The following OSGIN1 variants were observed in gnomAD, a reference collection of about 807,000 sequenced individuals.
The protein encoded by OSGIN1 is oxidative stress induced growth inhibitor 1.
Under a neutral mutation model 20.1 loss-of-function variants are expected in OSGIN1, and 19 were observed. That is an observed-to-expected ratio of 0.95 (90% CI 0.66 to 1.39). The LOEUF is 1.39. Among genes scored for constraint, OSGIN1 ranks in the 40% most tolerant of loss-of-function variants. The pLI is 0.00. For synonymous variants in OSGIN1, 368 were observed against 297.8 expected (o/e 1.24, Z -2.43); for missense variants, 820 against 653.0 (o/e 1.26, Z -2.79).
In OSGIN1 at chr16:83,961,185, C is replaced by T. The variant is rs113675819; in HGVS notation, c.488+113C>T. On this transcript the variant is annotated intron_variant, in intron 5 of 5. Transcript: ENST00000393306. ...AAGTTTATTTTTCCAAGGTTGAGGACGCGCCCGTGACAGCCTCAGGAAGTC... is the reference window on the plus strand; with the variant it reads ...AAGTTTATTTTTCCAAGGTTGAGGATGCGCCCGTGACAGCCTCAGGAAGTC... The T allele has an allele frequency of 8.1e-3, 6,575 of 814,720 alleles. 62 individuals carry two copies. The highest frequency in any genetic ancestry group is 0.031 in the South Asian group (2,056 of 65,590). 50.5% of individuals were successfully genotyped at this position (814,720 alleles called of 1,614,324 possible). A position where few individuals can be genotyped will look rare whatever the true frequency, so the allele number is the denominator to read the frequency against.
intron 1 of OSGIN1, among the ~76,000 whole-genome samples, chr16:83,955,130 T>C (rs935113742): frequency 8.6e-5 from 13 of 151,888 alleles, no homozygotes; most frequent in Non-Finnish European, 1.8e-4. Context: ...TACCAGGAGG[T>C]CCCATGCTCC....
intron 2 of OSGIN1, among the ~76,000 whole-genome samples, chr16:83,958,109 T>C (rs957188892): frequency 6.6e-6 from 1 of 152,178 alleles, no homozygotes; most frequent in African/African-American, 2.4e-5. Context: ...ACTCCTGACC[T>C]CAAGTGATCT....
At position 83,960,644 on chromosome 16, in the gene OSGIN1, C is replaced by A. The variant is rs62640906; in HGVS notation, c.280C>A (p.Arg94Ser). The change falls in exon 4 of 6, where the codon CGC becomes AGC. Residue 94 changes from arginine to serine, a missense_variant. Transcript: ENST00000393306. ...PVALLFDALL[R>S]PDTDFGGNMK... is the part of the protein sequence containing the mutation. The stretch of plus-strand genomic sequence containing the variant: ...GGCCCTGCTCTTTGATGCCCTTCTA[C>A]GCCCAGACACAGACTTTGGGGGAAA... The A allele has an allele frequency of 6.2e-7, 1 of 1,613,598 alleles. No homozygotes were observed. Among genetic ancestry groups the A allele is most frequent in the South Asian group, 1.1e-5 (1 of 91,088 alleles).
chr16:83,959,279 C>G lies in OSGIN1; in HGVS notation c.87C>G (p.Ile29Met). The change falls in exon 3 of 6, where the codon ATC (isoleucine) becomes ATG (methionine). Residue 29 changes from isoleucine (I) to methionine (M), a missense_variant. Coordinates refer to ENST00000393306, the MANE Select transcript of OSGIN1 (RefSeq NM_182981.3). Reference protein sequence around the residue: ...VIIVGNGPSGICLSYLLSGYT... With the variant: ...VIIVGNGPSGMCLSYLLSGYT... ...CCCCAGGTAACGGCCCCTCTGGTAT[C>G]TGCCTGTCCTACCTGCTCTCCGGCT... is the stretch of plus-strand genomic sequence containing the variant. 6.2e-7 allele frequency: 1 copy of G among 1,613,702 alleles called. No individual in the cohort carries two copies. Among genetic ancestry groups the G allele is most frequent in the Non-Finnish European group, 8.5e-7 (1 of 1,179,906 alleles).
chr16:83,954,962 G>C (rs186120313), intron 1 of OSGIN1, among the ~76,000 whole-genome samples: 220 of 152,340 alleles, frequency 1.4e-3, no homozygotes, highest in African/African-American at 5.1e-3. Context: ...AAGGGGCTGG[G>C]GTGCCTGGGG....
At chr16:83,958,456 G>A (rs1407596049) in intron 2 of OSGIN1, among the ~76,000 whole-genome samples, 1 of 152,202 alleles carries the variant, frequency 6.6e-6, no homozygotes, top group Non-Finnish European at 1.5e-5. Flanking sequence ...TCCTCTGTCT[G>A]CACAAATGGG....
At chr16:83,963,065 C>G (rs1381624700) in intron 5 of OSGIN1, among the ~76,000 whole-genome samples, 2 of 152,204 alleles carry the variant, frequency 1.3e-5, no homozygotes, top group Non-Finnish European at 2.9e-5. Context: ...TCGGGAAGCC[C>G]TGCTTCCTCC....
Position 83,965,314 on chromosome 16 carries a change from C to A in OSGIN1, c.741C>A (p.Gly247=), listed in dbSNP as rs1033490837. Residue 247 remains glycine (G), a synonymous_variant, in exon 6 of 6, where the codon GGC becomes GGA. Transcript: ENST00000393306. ...LWARNVVLAT[G]TFDSPARLGI... ...CCCGCAACGTGGTCCTCGCCACAGG[C>A]ACGTTCGACAGCCCGGCCCGGCTGG... 5 of 1,584,972 alleles carry A rather than the reference C, an allele frequency of 3.2e-6. No individual in the cohort carries two copies. The highest frequency in any genetic ancestry group is 1.7e-5 in the Admixed American group (1 of 58,396).
Position 83,965,920 on chromosome 16 carries a change from C to G in OSGIN1, c.1347C>G (p.Ala449=). Residue 449 remains alanine (A), a synonymous_variant, in exon 6 of 6, where the codon GCC becomes GCG. Transcript: ENST00000393306. Reference sequence around the variant, plus strand: ...GCCTGTACGCCATGGGGCCGCTGGCCGGGGACAACTTCGTGAGGTTTGTGC... The same window carrying G: ...GCCTGTACGCCATGGGGCCGCTGGCGGGGGACAACTTCGTGAGGTTTGTGC... ...QEGLYAMGPL[A]GDNFVRFVQG... is the part of the protein sequence containing the mutation. The G allele has an allele frequency of 1.9e-6, 3 of 1,612,704 alleles. No homozygotes were observed. Among genetic ancestry groups the G allele is most frequent in the Non-Finnish European group, 2.5e-6 (3 of 1,179,966 alleles).
At chr16:83,962,527 C>T (rs2084228429) in intron 5 of OSGIN1, among the ~76,000 whole-genome samples, 2 of 152,244 alleles carry the variant, frequency 1.3e-5, no homozygotes, top group African/African-American at 2.4e-5. Flanking sequence ...AGGCGTGAGC[C>T]ACCACGCCAG....
rs150725727 is a variant in OSGIN1 at position 83,961,211 on chromosome 16, C to G, written c.488+139C>G. ...GCGCCCGTGACAGCCTCAGGAAGTC[C>G]TAATGACATGTGCCCAAGGTGATCC... On this transcript the variant is annotated intron_variant, in intron 5 of 5. Coordinates refer to ENST00000393306, the MANE Select transcript of OSGIN1 (RefSeq NM_182981.3). The G allele has an allele frequency of 6.6e-4, 439 of 668,314 alleles. 3 individuals carry two copies. The African/African-American group carries it at 7.3e-3, about 11-fold the overall frequency. The allele number at this position is 668,314 out of a possible 1,614,324, so 41.4% of individuals were successfully genotyped here.
chr16:83,963,716 G>A (rs253139), intron 5 of OSGIN1, among the ~76,000 whole-genome samples: 35,686 of 152,066 alleles, frequency 0.23, 5,250 homozygotes, highest in African/African-American at 0.42. Context: ...ACATGTAGCC[G>A]GACGGCAGGT....
chr16:83,961,711 C>T (rs1198491299), intron 5 of OSGIN1, among the ~76,000 whole-genome samples: 1 of 152,128 alleles, frequency 6.6e-6, no homozygotes, highest in East Asian at 1.9e-4. Context: ...CAGAGCTGGG[C>T]TCACCCGAGG....
Position 83,961,041 on chromosome 16 carries a change from G to T in OSGIN1, c.457G>T (p.Glu153Ter). Residue 153 changes from glutamate to a stop codon, truncating the protein, a stop_gained, in exon 5 of 6, where the codon GAG becomes TAG. Coordinates refer to ENST00000393306, the MANE Select transcript of OSGIN1 (RefSeq NM_182981.3). LOFTEE classifies it low-confidence loss of function (END_TRUNC). Reference protein sequence around the residue: ...QGQWMGLPDLEVKDWMQKKRR... With the variant: ...QGQWMGLPDL ...CCAGTGGATGGGGCTCCCGGACCTGGAGGTCAAGGACTGGATGCAGAAGAA... is the reference window on the plus strand; with the variant it reads ...CCAGTGGATGGGGCTCCCGGACCTGTAGGTCAAGGACTGGATGCAGAAGAA... 1 of 1,613,558 alleles carries T rather than the reference G, an allele frequency of 6.2e-7. No individual in the cohort carries two copies. The highest frequency in any genetic ancestry group is 8.5e-7 in the Non-Finnish European group (1 of 1,180,002).
At chr16:83,957,396 G>A (rs1006358651) in intron 1 of OSGIN1, among the ~76,000 whole-genome samples, 7 of 152,162 alleles carry the variant, frequency 4.6e-5, no homozygotes, top group African/African-American at 9.7e-5. Flanking sequence ...TGGCTGCCTG[G>A]GGCAACCAGG....
intron 5 of OSGIN1, among the ~76,000 whole-genome samples, chr16:83,964,468 A>C (rs1488135868): frequency 6.6e-6 from 1 of 152,134 alleles, no homozygotes; most frequent in Non-Finnish European, 1.5e-5. Context: ...CTTTCTGATC[A>C]GGATCCCATT....
intron 1 of OSGIN1, chr16:83,954,749 C>G (rs1908845991): frequency 3.0e-6 from 3 of 984,836 alleles, no homozygotes; most frequent in Non-Finnish European, 2.4e-6. Context: ...AGCCCCAAAG[C>G]CCTGGTGGTA....
At chr16:83,960,499 C>T (rs1909150844) in intron 3 of OSGIN1, 70 bp from the exon 4 acceptor site, 2 of 1,314,042 alleles carry the variant, frequency 1.5e-6, no homozygotes, top group Non-Finnish European at 2.2e-6. Context: ...ACGTTCCTGC[C>T]CAGCCTCAGG....
At position 83,957,643 on chromosome 16, in the gene OSGIN1, C is replaced by T. The variant is rs748835213; in HGVS notation, c.-29C>T. ...CTTCCCCTCTCCCCCACTCCAGGTC[C>T]GCTGCCAGCCCCAAGCCCCCCACCA... On this transcript the variant is annotated 5_prime_UTR_variant, in exon 2 of 6. Transcript: ENST00000393306. The T allele has an allele frequency of 1.9e-5, 30 of 1,566,560 alleles. 1 individual carries two copies. The highest frequency in any genetic ancestry group is 1.5e-4 in the South Asian group (13 of 87,228).
Sources: gnomAD v4.1 joint callset for allele counts (sites outside exome capture counted in the v4.1 genomes callset) on GRCh38, gnomAD v4.1.1 for gene constraint, MANE v1.5 for transcripts, NCBI Gene and HGNC (gene_info 2026-07-23, HGNC 2026-07-21) for gene names.